TAB2: variants seen among roughly 807,000 people sequenced by gnomAD.
The protein encoded by TAB2 is TGF-beta-activated kinase 1 and MAP3K7-binding protein 2.
Under a neutral mutation model 65.0 loss-of-function variants are expected in TAB2, and 3 were observed. That is an observed-to-expected ratio of 0.05 (90% confidence interval 0.02 to 0.12). The LOEUF (loss-of-function observed/expected upper bound fraction) is 0.12, where lower values mean the gene tolerates loss of function less well. Among genes scored for constraint, TAB2 ranks in the 10% least tolerant of loss-of-function variants. The pLI, the probability that TAB2 is intolerant of heterozygous loss-of-function variation, is 1.00. For missense variants in TAB2, 623 were observed against 840.3 expected, an observed-to-expected ratio of 0.74 and a Z score of 3.20; for synonymous variants, 298 against 285.1, an observed-to-expected ratio of 1.05 and a Z score of -0.46.
intron 1 of TAB2, among the ~76,000 whole-genome samples, chr6:149,326,748 A>G (rs2114741929): frequency 6.6e-6 from 1 of 152,166 alleles, no homozygotes; most frequent in Non-Finnish European, 1.5e-5. Context: ...GGGTTTCACC[A>G]TGTTGGCCAG....
rs1448218306 is a variant in TAB2 at position 149,353,228 on chromosome 6, GTGCTGCTGCTGCTGCTGCTGGATTGCTTT to G, written c.-89-16664_-89-16636del. 3.3e-5 allele frequency among the ~76,000 whole-genome samples: 5 copies of G among 151,848 alleles called. No individual in the cohort carries two copies. The East Asian group carries it at 9.7e-4, about 29-fold the overall frequency. ...TGGACTCTGCATTTCAAAGCTCTGG[GTGCTGCTGCTGCTGCTGCTGGATTGCTTT>G]TGCTGCTGCTGCTGCTTTCTCCACC... On this transcript the variant is annotated intron_variant, in intron 1 of 6. Coordinates refer to ENST00000637181, the MANE Select transcript of TAB2 (RefSeq NM_001292034.3).
At chr6:149,299,221 G>A (rs1251921557) in intron 1 of TAB2, among the ~76,000 whole-genome samples, 1 of 152,196 alleles carries the variant, frequency 6.6e-6, no homozygotes, top group Non-Finnish European at 1.5e-5. Flanking sequence ...CTGGTCATGA[G>A]ACTATAGTAA....
chr6:149,243,560 T>TTAACTA (rs1268700385), intron 1 of TAB2: 1 of 152,158 alleles, frequency 6.6e-6, no homozygotes, highest in Non-Finnish European at 1.5e-5. Flanking sequence ...GGAGACAACT[T>TTAACTA]TAACTATATA....
intron 1 of TAB2, among the ~76,000 whole-genome samples, chr6:149,293,947 A>G (rs1163219449): frequency 6.6e-6 from 1 of 152,156 alleles, no homozygotes; most frequent in Non-Finnish European, 1.5e-5. Context: ...AGTATCAAAC[A>G]CTCAGTAGCA....
At chr6:149,282,382 T>C (rs916188317) in intron 1 of TAB2, among the ~76,000 whole-genome samples, 1 of 151,996 alleles carries the variant, frequency 6.6e-6, no homozygotes, top group African/African-American at 2.4e-5. Flanking sequence ...TCAGTAAGAA[T>C]ATAGAAGACT....
At chr6:149,338,188 G>A (rs1197684622) in intron 1 of TAB2, among the ~76,000 whole-genome samples, 1 of 152,160 alleles carries the variant, frequency 6.6e-6, no homozygotes, top group Non-Finnish European at 1.5e-5. Context: ...CTGCAGTGAA[G>A]GTGAAAATAT....
At chr6:149,345,133 G>A (rs899381831) in intron 1 of TAB2, among the ~76,000 whole-genome samples, 2 of 151,882 alleles carry the variant, frequency 1.3e-5, no homozygotes, top group Non-Finnish European at 2.9e-5. Context: ...TACTTAGTCA[G>A]TTTGAGTGCT....
chr6:149,396,094 T>C (rs906390666), intron 3 of TAB2, among the ~76,000 whole-genome samples: 2 of 151,792 alleles, frequency 1.3e-5, no homozygotes, highest in African/African-American at 4.8e-5. Context: ...CTCGGCTTAC[T>C]GCAACCTCTG....
chr6:149,389,148 G>A (rs1005820000), intron 3 of TAB2, among the ~76,000 whole-genome samples: 1 of 151,526 alleles, frequency 6.6e-6, no homozygotes, highest in Non-Finnish European at 1.5e-5. Context: ...TAGAGATGGG[G>A]TTTCATCACG....
In TAB2 at chr6:149,340,877, T is replaced by C. The variant is rs186631344; in HGVS notation, c.-90+22862T>C. 2.0e-5 allele frequency among the ~76,000 whole-genome samples: 3 copies of C among 152,244 alleles called. No homozygotes were observed. The East Asian group carries it at 5.8e-4, about 29-fold the overall frequency. ...AAGGAAATCATTTTTTAAAATTCCT[T>C]GTGGCTTGTGATACTTGCTCTATTA... On this transcript the variant is annotated intron_variant, in intron 1 of 6. Coordinates refer to ENST00000637181, the MANE Select transcript of TAB2 (RefSeq NM_001292034.3).
At chr6:149,228,252 A>T (rs1777325624) in intron 1 of TAB2, among the ~76,000 whole-genome samples, 2 of 152,222 alleles carry the variant, frequency 1.3e-5, no homozygotes, top group Admixed American at 1.3e-4. Flanking sequence ...CACCATGACC[A>T]TTTGAATTAC....
intron 1 of TAB2, among the ~76,000 whole-genome samples, chr6:149,336,864 A>C (rs573550833): frequency 4.6e-5 from 7 of 152,158 alleles, no homozygotes; most frequent in African/African-American, 1.7e-4. Context: ...AGTAGTTTTA[A>C]TCTGCAAGAC....
intron 1 of TAB2, among the ~76,000 whole-genome samples, chr6:149,340,569 A>G (rs1457082282): frequency 1.3e-5 from 2 of 152,196 alleles, no homozygotes; most frequent in Admixed American, 6.5e-5. Flanking sequence ...AAATATTACT[A>G]TAAGTAATGA....
At chr6:149,245,639 C>T (rs1346262325) in intron 1 of TAB2, 1 of 151,786 alleles carries the variant, frequency 6.6e-6, no homozygotes, top group Non-Finnish European at 1.5e-5. Context: ...GATATTGATG[C>T]ATGTGGGCAA....
intron 1 of TAB2, among the ~76,000 whole-genome samples, chr6:149,318,945 CAG>C (rs1244065565): frequency 6.6e-6 from 1 of 152,178 alleles, no homozygotes; most frequent in Non-Finnish European, 1.5e-5. Flanking sequence ...TGCAGCCTCA[CAG>C]GGGTTTCTCC....
Position 149,222,727 on chromosome 6 carries a change from A to G in TAB2, c.-121+3951A>G, listed in dbSNP as rs186223327. Reference sequence around the variant, plus strand: ...CTATATAACAATTACTCCCTTTGAAAATCAGGAACTCACAGATGATTCAAA... The same window carrying G: ...CTATATAACAATTACTCCCTTTGAAGATCAGGAACTCACAGATGATTCAAA... On this transcript the variant is annotated intron_variant, in intron 1 of 1. Coordinates refer to the TAB2 transcript ENST00000606202. 2.3e-4 allele frequency among the ~76,000 whole-genome samples: 35 copies of G among 152,214 alleles called. No individual in the cohort carries two copies. The East Asian group carries it at 6.4e-3, about 28-fold the overall frequency.
rs35507156 is a variant in TAB2 at position 149,369,601 on chromosome 6, A to G, written c.-89-308A>G. Among the ~76,000 whole-genome samples the G allele has an allele frequency of 0.033, 5,081 of 152,294 alleles. 291 individuals are homozygous for G. The highest frequency in any genetic ancestry group is 0.12 in the African/African-American group (4,867 of 41,540). On this transcript the variant is annotated intron_variant, in intron 1 of 6. Coordinates refer to ENST00000637181, the MANE Select transcript of TAB2 (RefSeq NM_001292034.3). The stretch of plus-strand genomic sequence containing the variant: ...CATTAAGAAAAAAATCAGTGATACT[A>G]TTTCTTCTCCCTTTTTAAAAGAATC...
In TAB2 at chr6:149,379,260, A is replaced by G. The variant is rs1021802122; in HGVS notation, c.1345A>G (p.Thr449Ala). 7 of 1,614,112 alleles carry G rather than the reference A, an allele frequency of 4.3e-6. No homozygotes were observed. The highest frequency in any genetic ancestry group is 3.3e-5 in the Admixed American group (2 of 60,012). ...KSRAIGNNSA[T>A]SPRVVVTQPN... ...TCGAGCAATAGGCAATAACTCTGCA[A>G]CCTCTCCTCGAGTGGTAGTCACTCA... The change falls in exon 3 of 7, where the codon ACC (threonine) becomes GCC (alanine). Residue 449 changes from threonine to alanine, a missense_variant. By Grantham distance (58) the Thr-to-Ala change is moderately conservative (BLOSUM62 0). Around this residue, in one of 3 missense-constraint regions of TAB2, gnomAD observed 550 missense variants for 665.7 expected, o/e 0.83. Transcript: ENST00000637181.
intron 1 of TAB2, among the ~76,000 whole-genome samples, chr6:149,301,142 T>C (rs1778965652): frequency 6.6e-6 from 1 of 152,184 alleles, no homozygotes; most frequent in Non-Finnish European, 1.5e-5. Context: ...GAGTAGAAGC[T>C]CTTGGCAGGG....
Sources: allele counts gnomAD v4.1 joint callset (sites outside exome capture counted in the v4.1 genomes callset), GRCh38; gene constraint gnomAD v4.1.1; regional missense constraint gnomAD v4.1.1; transcripts MANE v1.5; gene names NCBI Gene and HGNC (gene_info 2026-07-23, HGNC 2026-07-21).